COL6A6: variants seen among roughly 807,000 people sequenced by gnomAD.
COL6A6 encodes collagen alpha-6(VI) chain.
Under a neutral mutation model 208.6 loss-of-function variants are expected in COL6A6, and 183 were observed. That is an observed-to-expected ratio of 0.88 (90% CI 0.78 to 0.99). The LOEUF (loss-of-function observed/expected upper bound fraction) is 0.99. Ranked by LOEUF, COL6A6 falls within the 50% of genes least tolerant of loss-of-function variation. The pLI is 0.00. For synonymous variants in COL6A6, 973 were observed against 1,011.8 expected (o/e 0.96, Z 0.73); for missense variants, 2,816 against 2,815.2 (o/e 1.00, Z -0.01).
chr3:130,592,830 TC>T, intron 15 of COL6A6, 108 bp downstream of exon 15: 1 of 1,108,310 alleles, frequency 9.0e-7, no homozygotes, highest in Non-Finnish European at 1.3e-6. Flanking sequence ...TCATTGACTT[TC>T]CTTTTTTATT....
chr3:130,558,461 C>T (rs1438810068), intron 1 of COL6A6, among the ~76,000 whole-genome samples: 1 of 152,214 alleles, frequency 6.6e-6, no homozygotes, highest in Non-Finnish European at 1.5e-5. Context: ...CCACAAGATG[C>T]TAATCCAGAG....
chr3:130,619,782 G>A (rs1490360503), intron 23 of COL6A6, among the ~76,000 whole-genome samples: 1 of 152,110 alleles, frequency 6.6e-6, no homozygotes, highest in Non-Finnish European at 1.5e-5. Context: ...TAGTGGAAGG[G>A]TCTAGGATAA....
Position 130,649,215 on chromosome 3 carries a change from G to T in COL6A6, c.5386G>T (p.Val1796Leu). Residue 1796 changes from valine to leucine, a missense_variant, in exon 33 of 37, where the codon GTG (valine) becomes TTG (leucine). Physicochemically the swap from Val to Leu is conservative, Grantham distance 32. Coordinates refer to ENST00000358511, the MANE Select transcript of COL6A6 (RefSeq NM_001102608.3). ...TAAGGTCCGGGAGAACAGCTGCCCC[G>T]TGGGAGCGCACATCGCCATCCTCTC... ...DIKVRENSCP[V>L]GAHIAILSYN... is the part of the protein sequence containing the mutation. 2 of 1,592,204 alleles carry T rather than the reference G, an allele frequency of 1.3e-6. No homozygotes were observed. The highest frequency in any genetic ancestry group is 1.1e-5 in the South Asian group (1 of 87,332).
chr3:130,594,940 C>A (rs2063812017), intron 18 of COL6A6, among the ~76,000 whole-genome samples: 1 of 152,142 alleles, frequency 6.6e-6, no homozygotes, highest in Non-Finnish European at 1.5e-5. Flanking sequence ...TGGGGGAAAC[C>A]ACCCCCATGA....
At chr3:130,580,208 G>A (rs577366852) in intron 8 of COL6A6, among the ~76,000 whole-genome samples, 2 of 152,270 alleles carry the variant, frequency 1.3e-5, no homozygotes, top group East Asian at 1.9e-4. Flanking sequence ...GCTCAAGACA[G>A]ATATGAGAAG....
At chr3:130,540,501 T>A (rs1321991640) in intron 1 of COL6A6, among the ~76,000 whole-genome samples, 2 of 152,238 alleles carry the variant, frequency 1.3e-5, no homozygotes, top group Non-Finnish European at 2.9e-5. Flanking sequence ...TTTTCTTTTT[T>A]AAAAAATTTA....
At chr3:130,563,023 A>AT (rs2062928907) in intron 2 of COL6A6, 45 bp from the exon 3 acceptor site, 3 of 1,446,892 alleles carry the variant, frequency 2.1e-6, no homozygotes, top group Admixed American at 4.2e-5. Context: ...ATGGCAGTAA[A>AT]TTTTTTAAAG....
At chr3:130,645,699 G>A (rs1265660833) in intron 32 of COL6A6, among the ~76,000 whole-genome samples, 1 of 152,242 alleles carries the variant, frequency 6.6e-6, no homozygotes, top group Non-Finnish European at 1.5e-5. Context: ...CAGATAGCAA[G>A]TAAGTGGAAT....
At chr3:130,557,782 G>A (rs558565065) in intron 1 of COL6A6, among the ~76,000 whole-genome samples, 101 of 152,272 alleles carry the variant, frequency 6.6e-4, no homozygotes, top group African/African-American at 2.4e-3. Flanking sequence ...GAGACTCCGC[G>A]TTCTTAATAG....
At chr3:130,608,795 AGATCCTGCATTGACATTGTGACTG>A in intron 21 of COL6A6, 83 bp from the exon 22 acceptor site, 5 of 228,162 alleles carry the variant, frequency 2.2e-5, no homozygotes, top group East Asian at 8.1e-5. Flanking sequence ...TTTTTTGCAA[AGATCCTGCATTGACATTGTGACTG>A]AAAAAATATT....
At chr3:130,674,871 CTA>C (rs2066320650) in intron 36 of COL6A6, among the ~76,000 whole-genome samples, 1 of 152,122 alleles carries the variant, frequency 6.6e-6, no homozygotes, top group African/African-American at 2.4e-5. Context: ...TCTGGGAAAA[CTA>C]TAGATATGGT....
chr3:130,648,991 T>G, intron 32 of COL6A6, 78 bp from the exon 33 acceptor site: 1 of 1,226,304 alleles, frequency 8.2e-7, no homozygotes, highest in Non-Finnish European at 1.1e-6. Flanking sequence ...GCTTAACATT[T>G]AAAATTACTT....
At chr3:130,656,768 A>G (rs970280819) in intron 33 of COL6A6, among the ~76,000 whole-genome samples, 2 of 151,874 alleles carry the variant, frequency 1.3e-5, no homozygotes, top group African/African-American at 4.8e-5. Context: ...CCCCCCTTGG[A>G]CTCCCTCTCG....
intron 28 of COL6A6, 137 bp downstream of exon 28, chr3:130,635,898 G>T (rs1308424149): frequency 3.1e-6 from 2 of 644,500 alleles, no homozygotes; most frequent in South Asian, 4.1e-5. Context: ...GGCAAACTTG[G>T]GGAAGGGGAA....
At chr3:130,609,952 C>CTTTTTTT (rs1054764231) in intron 22 of COL6A6, among the ~76,000 whole-genome samples, 2 of 116,282 alleles carry the variant, frequency 1.7e-5, no homozygotes, top group East Asian at 2.5e-4. Context: ...GGAAAGCTCA[C>CTTTTTTT]TTTTTTTTTT....
chr3:130,571,241 T>C lies in COL6A6; in HGVS notation c.2825T>C (p.Leu942Pro). ...AAGGCCTTGCGGGACAAAGGCATTCTTGTCCTGGCTGTGGGGATTGATGGT... is the reference window on the plus strand; with the variant it reads ...AAGGCCTTGCGGGACAAAGGCATTCCTGTCCTGGCTGTGGGGATTGATGGT... ...TAKALRDKGILVLAVGIDGAN... is the reference protein window; with the variant it reads ...TAKALRDKGIPVLAVGIDGAN... Residue 942 changes from leucine to proline, a missense_variant, in exon 7 of 37, where the codon CTT (leucine) becomes CCT (proline). Physicochemically the swap from Leu to Pro is moderately conservative, Grantham distance 98. Coordinates refer to ENST00000358511, the MANE Select transcript of COL6A6 (RefSeq NM_001102608.3). 2 of 1,614,068 alleles carry C rather than the reference T, an allele frequency of 1.2e-6. No individual in the cohort carries two copies. The highest frequency in any genetic ancestry group is 1.7e-6 in the Non-Finnish European group (2 of 1,179,894).
At chr3:130,560,238 C>A in intron 1 of COL6A6, 96 bp from the exon 2 acceptor site, 1 of 677,102 alleles carries the variant, frequency 1.5e-6, no homozygotes, top group Non-Finnish European at 2.4e-6. Context: ...TCCCCTGTTA[C>A]ACCCAATTTA....
chr3:130,670,402 C>T (rs1219013947), intron 36 of COL6A6, among the ~76,000 whole-genome samples: 1 of 152,170 alleles, frequency 6.6e-6, no homozygotes, highest in Admixed American at 6.5e-5. Context: ...GGGTTTAGTG[C>T]TCTACAGTCA....
rs760270545 is a variant in COL6A6, at chr3:130,565,561, A to G, written c.1229A>G (p.Gln410Arg). ...ACATTTCTGAAGAAGCTGCGGAACC[A>G]AATAACACACACAGTCTCTGTCTTT... is the stretch of plus-strand genomic sequence containing the variant. ...NQTFLKKLRN[Q>R]ITHTVSVFSE... is the part of the protein sequence containing the mutation. Residue 410 changes from glutamine to arginine, a missense_variant, in exon 4 of 37, where the codon CAA (glutamine) becomes CGA (arginine). Transcript: ENST00000358511. The G allele has an allele frequency of 6.2e-7, 1 of 1,613,722 alleles. No individual in the cohort carries two copies. The highest frequency in any genetic ancestry group is 1.1e-5 in the South Asian group (1 of 91,010).
Sources: gnomAD v4.1 joint callset for allele counts (sites outside exome capture counted in the v4.1 genomes callset) on GRCh38, gnomAD v4.1.1 for gene constraint, MANE v1.5 for transcripts, NCBI Gene and HGNC (gene_info 2026-07-23, HGNC 2026-07-21) for gene names.